The following PLCH2 variants were observed in gnomAD, a reference collection of about 807,000 sequenced individuals.
PLCH2 encodes the protein 1-phosphatidylinositol 4,5-bisphosphate phosphodiesterase eta-2.
In PLCH2, 98 loss-of-function variants were observed where a neutral mutation model predicts 134.7. That is an observed-to-expected ratio of 0.73 (90% CI 0.62 to 0.86). PLCH2 has a LOEUF of 0.86. PLCH2 is among the 40% of genes least tolerant of loss of function. PLCH2 has a pLI of 0.00. For synonymous variants in PLCH2, 974 were observed against 827.5 expected, an observed-to-expected ratio of 1.18 and a Z score of -3.04; for missense variants, 1,994 against 1,986.6, an observed-to-expected ratio of 1.00 and a Z score of -0.07.
At chr1:2,449,840 G>A (rs909402359) in intron 2 of PLCH2, among the ~76,000 whole-genome samples, 22 of 152,326 alleles carry the variant, frequency 1.4e-4, no homozygotes, top group Non-Finnish European at 2.2e-4. Flanking sequence ...GCCTCGCCCC[G>A]TCCTGCCCCT....
At chr1:2,501,999 A>AC (rs1467033285) in intron 20 of PLCH2, 113 bp from the exon 21 acceptor site, 2 of 998,526 alleles carry the variant, frequency 2.0e-6, no homozygotes, top group Non-Finnish European at 2.8e-6. Flanking sequence ...AGCCCCTCGG[A>AC]CCGAGACACG....
chr1:2,420,499 A>G, the PLCH2 span, among the ~76,000 whole-genome samples: 1 of 152,168 alleles, frequency 6.6e-6, no homozygotes, highest in East Asian at 1.9e-4. Context: ...GGGCTGCAGA[A>G]AGAGCCCCGA....
chr1:2,479,801 C>A lies in PLCH2; in HGVS notation c.339C>A (p.Asp113Glu). 1 of 1,587,668 alleles carries A rather than the reference C, an allele frequency of 6.3e-7. No individual in the cohort carries two copies. The highest frequency in any genetic ancestry group is 8.6e-7 in the Non-Finnish European group (1 of 1,168,044). Reference sequence around the variant, plus strand: ...CGGAGGTCTTCCAGCGCTACCCTGACGGCAGCTTCGACCCCAACTGCTGCT... The same window carrying A: ...CGGAGGTCTTCCAGCGCTACCCTGAAGGCAGCTTCGACCCCAACTGCTGCT... ...RQSEVFQRYP[D>E]GSFDPNCCFS... The change falls in exon 3 of 22, where the codon GAC becomes GAA. Residue 113 changes from aspartate (D) to glutamate (E), a missense_variant. Coordinates refer to ENST00000378486, the MANE Select transcript of PLCH2 (RefSeq NM_014638.4).
chr1:2,422,429 C>T (rs189669493), upstream of PLCH2, among the ~76,000 whole-genome samples: 9 of 152,352 alleles, frequency 5.9e-5, no homozygotes, highest in Admixed American at 2.0e-4. Context: ...TCTGCATCTG[C>T]GTTGCATCTG....
chr1:2,445,466 G>A (rs1182449336), intron 2 of PLCH2, among the ~76,000 whole-genome samples: 1 of 151,520 alleles, frequency 6.6e-6, no homozygotes. Context: ...CGGGGCTCGG[G>A]GCTTGGTCTG....
intron 2 of PLCH2, among the ~76,000 whole-genome samples, chr1:2,433,903 G>T (rs1262731848): frequency 6.6e-6 from 1 of 152,200 alleles, no homozygotes; most frequent in South Asian, 2.1e-4. Flanking sequence ...TTGGCCGTTT[G>T]GTCCCTTCAA....
upstream of PLCH2, among the ~76,000 whole-genome samples, chr1:2,423,602 G>A (rs1006045581): frequency 6.6e-6 from 1 of 152,104 alleles, no homozygotes. Context: ...GAGAAGCTGG[G>A]GTCACTGACT....
the PLCH2 span, among the ~76,000 whole-genome samples, chr1:2,417,817 G>A: frequency 4.2e-4 from 64 of 152,322 alleles, 1 homozygote; most frequent in East Asian, 9.8e-3. Context: ...TACAGCCTCT[G>A]CGCTGAGGTG....
upstream of PLCH2, among the ~76,000 whole-genome samples, chr1:2,471,965 C>G (rs571429384): frequency 6.6e-6 from 1 of 152,182 alleles, no homozygotes; most frequent in Admixed American, 6.5e-5. Flanking sequence ...GAGGGCAGAG[C>G]GTCTGTCCCT....
At chr1:2,482,005 C>T (rs1161210761) in intron 4 of PLCH2, among the ~76,000 whole-genome samples, 1 of 152,262 alleles carries the variant, frequency 6.6e-6, no homozygotes, top group Non-Finnish European at 1.5e-5. Context: ...TTTCATCAAA[C>T]CTAAGATAAG....
At chr1:2,500,790 CCTCAGT>C (rs1223015999) in intron 20 of PLCH2, 2 of 50,648 alleles carry the variant, frequency 3.9e-5, no homozygotes, top group African/African-American at 1.6e-4. Flanking sequence ...CCCTCCCCTC[CCTCAGT>C]CCTCCCTCCC....
intron 2 of PLCH2, among the ~76,000 whole-genome samples, chr1:2,456,230 C>T (rs1570319096): frequency 6.6e-6 from 1 of 152,170 alleles, no homozygotes; most frequent in African/African-American, 2.4e-5. Context: ...GCAGTTTCTC[C>T]CGGGCCTTTG....
At chr1:2,447,633 G>A (rs1409544150) in intron 2 of PLCH2, among the ~76,000 whole-genome samples, 1 of 152,198 alleles carries the variant, frequency 6.6e-6, no homozygotes, top group African/African-American at 2.4e-5. Context: ...AAGGCTTGGG[G>A]GTGGGGGCAA....
intron 11 of PLCH2, among the ~76,000 whole-genome samples, chr1:2,494,157 G>C (rs1642743208): frequency 6.6e-6 from 1 of 152,200 alleles, no homozygotes. Flanking sequence ...CCATGTTTTG[G>C]AGGTGTCTGT....
chr1:2,493,688 G>T, intron 11 of PLCH2: 1 of 152,486 alleles, frequency 6.6e-6, no homozygotes, highest in Non-Finnish European at 1.5e-5. Context: ...CTCCCCGGCC[G>T]CATCAACAGG....
In PLCH2 at chr1:2,434,052, C is replaced by T. The variant is rs186299603; in HGVS notation, c.115+3423C>T. Among the ~76,000 whole-genome samples the T allele has an allele frequency of 2.9e-3, 436 of 152,376 alleles. 1 individual carries two copies. The highest frequency in any genetic ancestry group is 9.9e-3 in the African/African-American group (412 of 41,596). Reference sequence around the variant, plus strand: ...TCGCAGGAGGTTCCTTCACAGGCATCGCGCGTCCGGCTTCGTGGCGGGTCT... The same window carrying T: ...TCGCAGGAGGTTCCTTCACAGGCATTGCGCGTCCGGCTTCGTGGCGGGTCT... On this transcript the variant is annotated intron_variant, in intron 2 of 3. Coordinates refer to the PLCH2 transcript ENST00000609981.
At chr1:2,466,752 G>C (rs1232162575), upstream of PLCH2, among the ~76,000 whole-genome samples, 1 of 152,246 alleles carries the variant, frequency 6.6e-6, no homozygotes, top group Non-Finnish European at 1.5e-5. Context: ...TCCCTCAGAT[G>C]CTGGGAGCAG....
At chr1:2,432,921 C>G (rs1016085108) in intron 2 of PLCH2, among the ~76,000 whole-genome samples, 4 of 152,320 alleles carry the variant, frequency 2.6e-5, no homozygotes, top group Admixed American at 2.0e-4. Flanking sequence ...CCCTTCTCTT[C>G]CCGGTGCACA....
intron 2 of PLCH2, among the ~76,000 whole-genome samples, chr1:2,457,940 C>T (rs199506974): frequency 1.3e-5 from 2 of 151,268 alleles, no homozygotes; most frequent in East Asian, 3.9e-4. Context: ...CCCATGCTGT[C>T]CACCGGGCGG....
Sources: allele counts gnomAD v4.1 joint callset (sites outside exome capture counted in the v4.1 genomes callset), GRCh38; gene constraint gnomAD v4.1.1; transcripts MANE v1.5; gene names NCBI Gene and HGNC (gene_info 2026-07-23, HGNC 2026-07-21).